The following PGPEP1L variants were observed in gnomAD, a reference collection of about 807,000 sequenced individuals.
The protein encoded by PGPEP1L is pyroglutamyl-peptidase 1-like protein.
A neutral mutation model predicts 6.0 loss-of-function variants in PGPEP1L; 7 were observed. The ratio of observed to expected loss-of-function variants is 1.17; its 90% CI spans 0.66 to 2.19. The LOEUF is 2.19. PGPEP1L is among the 30% of genes most tolerant of loss of function. The pLI, the probability that PGPEP1L is intolerant of heterozygous loss-of-function variation, is 0.00. For synonymous variants in PGPEP1L, 103 were observed against 83.9 expected, an observed-to-expected ratio of 1.23 and a Z score of -1.24; for missense variants, 209 against 192.5, an observed-to-expected ratio of 1.09 and a Z score of -0.51.
At chr15:98,977,326 T>C (rs571725045) in intron 2 of PGPEP1L, among the ~76,000 whole-genome samples, 3 of 152,390 alleles carry the variant, frequency 2.0e-5, no homozygotes, top group African/African-American at 7.2e-5. Context: ...AAGTCACTGA[T>C]TTGAGAACTT....
intron 2 of PGPEP1L, among the ~76,000 whole-genome samples, chr15:98,996,620 CGTGTAT>C (rs1306589610): frequency 1.3e-4 from 11 of 83,288 alleles, no homozygotes; most frequent in Non-Finnish European, 2.8e-4. Flanking sequence ...TATATGCCTG[CGTGTAT>C]GTGTGTTGTG....
At chr15:98,984,973 G>A (rs1217517995) in intron 2 of PGPEP1L, among the ~76,000 whole-genome samples, 6 of 149,836 alleles carry the variant, frequency 4.0e-5, no homozygotes, top group Non-Finnish European at 8.9e-5. Context: ...GCCATTCCTG[G>A]TAGTGCTCCT....
At position 98,969,614 on chromosome 15, in the gene PGPEP1L, G is replaced by A. The variant is rs938926542; in HGVS notation, c.20C>T (p.Ala7Val). Residue 7 changes from alanine to valine, a missense_variant, in exon 4 of 5, where the codon GCG (alanine) becomes GTG (valine). Coordinates refer to ENST00000535714, the MANE Select transcript of PGPEP1L (RefSeq NM_001167902.2). MDTAAK[A>V]IILEQSGKNQ... ...CTTGCCAGACTGTTCCAGAATGATC[G>A]CCTTGGCGGCGGTGTCCATGCCCAC... is the stretch of plus-strand genomic sequence containing the variant. 1.1e-5 allele frequency: 18 copies of A among 1,612,956 alleles called. No individual in the cohort carries two copies. The highest frequency in any genetic ancestry group is 8.3e-5 in the Admixed American group (5 of 60,004).
At chr15:99,006,546 T>C (rs1284533973) in intron 1 of PGPEP1L, among the ~76,000 whole-genome samples, 1 of 152,268 alleles carries the variant, frequency 6.6e-6, no homozygotes, top group African/African-American at 2.4e-5. Context: ...AACAAACTTT[T>C]GGCCAGGTGC....
intron 2 of PGPEP1L, among the ~76,000 whole-genome samples, chr15:99,004,376 T>C (rs1470004131): frequency 6.7e-6 from 1 of 150,044 alleles, no homozygotes; most frequent in Non-Finnish European, 1.5e-5. Context: ...GCCACTGCAC[T>C]CCAGTCTGGA....
chr15:98,982,700 CTTTTTTTTTTTTTTT>C (rs369749842), intron 2 of PGPEP1L, among the ~76,000 whole-genome samples: 1 of 52,458 alleles, frequency 1.9e-5, no homozygotes, highest in Non-Finnish European at 4.2e-5. Flanking sequence ...TTATCTGAGG[CTTTTTTTTTTTTTTT>C]TTTTTTTTTT....
intron 2 of PGPEP1L, among the ~76,000 whole-genome samples, chr15:98,989,460 C>T (rs1195017687): frequency 6.6e-6 from 1 of 152,094 alleles, no homozygotes; most frequent in East Asian, 1.9e-4. Context: ...AACAAAGCCT[C>T]CAAGAAATAT....
At chr15:98,977,739 G>GTGTT in intron 2 of PGPEP1L, among the ~76,000 whole-genome samples, 1 of 152,274 alleles carries the variant, frequency 6.6e-6, no homozygotes, top group Non-Finnish European at 1.5e-5. Flanking sequence ...TTTGGTCTAT[G>GTGTT]TGTTCTGTCC....
chr15:98,989,766 G>A (rs1042407211), intron 2 of PGPEP1L, among the ~76,000 whole-genome samples: 2 of 152,212 alleles, frequency 1.3e-5, no homozygotes, highest in African/African-American at 4.8e-5. Flanking sequence ...AACCCTATCA[G>A]ACTAATAGCG....
chr15:99,007,111 A>G (rs113150853), intron 1 of PGPEP1L, among the ~76,000 whole-genome samples: 15,439 of 152,188 alleles, frequency 0.1, 896 homozygotes, highest in African/African-American at 0.14. Flanking sequence ...ATTCCCTTTA[A>G]TTAGCTCCTG....
intron 2 of PGPEP1L, among the ~76,000 whole-genome samples, chr15:99,003,848 G>A (rs2018009322): frequency 6.8e-6 from 1 of 147,428 alleles, no homozygotes; most frequent in Non-Finnish European, 1.5e-5. Context: ...TTCATGACAA[G>A]CATTGCATGC....
In PGPEP1L at chr15:99,001,050, C is replaced by G. The variant is rs189377488; in HGVS notation, c.-142+4379G>C. 25 of 299,242 alleles carry G rather than the reference C, an allele frequency of 8.4e-5. No homozygotes were observed. In the East Asian group the frequency reaches 3.2e-3, roughly 39 times the overall value. 18.5% of individuals were successfully genotyped at this position (299,242 alleles called of 1,614,324 possible). On this transcript the variant is annotated intron_variant, in intron 2 of 4. Transcript: ENST00000535714. The stretch of plus-strand genomic sequence containing the variant: ...ACGCTGCCTTAAGAGCTGTAACACT[C>G]ACTCCAAAGGTCCGCAGCTTCACTC...
chr15:98,979,587 T>G (rs114292356), intron 2 of PGPEP1L, among the ~76,000 whole-genome samples: 1 of 147,750 alleles, frequency 6.8e-6, no homozygotes. Flanking sequence ...TAAAAAGAAA[T>G]GTATTAATGG....
At chr15:99,002,519 A>G (rs1472647089) in intron 2 of PGPEP1L, among the ~76,000 whole-genome samples, 1 of 152,198 alleles carries the variant, frequency 6.6e-6, no homozygotes, top group East Asian at 1.9e-4. Context: ...GCAAGCACAA[A>G]TTTTGAATTA....
intron 2 of PGPEP1L, among the ~76,000 whole-genome samples, chr15:98,975,838 G>A (rs1438236228): frequency 2.6e-5 from 4 of 152,202 alleles, no homozygotes; most frequent in South Asian, 2.1e-4. Flanking sequence ...ACAAGATCAC[G>A]CTACTGCACT....
rs763672035 is a variant in PGPEP1L, at chr15:98,968,475, CG to C, written c.*2del. 5.0e-6 allele frequency: 8 copies of C among 1,611,758 alleles called. No homozygotes were observed. The highest frequency in any genetic ancestry group is 1.3e-5 in the African/African-American group (1 of 74,912). ...AATTTTCTCTAGAGGAGCAATCCCC[CG>C]GTCAGTTCCCTTTGGCTGGAAGGAC... On this transcript the variant is annotated 3_prime_UTR_variant, in exon 5 of 5. Transcript: ENST00000535714.
chr15:98,972,181 C>T (rs2017506484), intron 2 of PGPEP1L, among the ~76,000 whole-genome samples: 1 of 151,968 alleles, frequency 6.6e-6, no homozygotes. Flanking sequence ...GGCAAAACCC[C>T]ATCTCTACTA....
chr15:98,982,716 T>C (rs1408369162), intron 2 of PGPEP1L, among the ~76,000 whole-genome samples: 2 of 132,434 alleles, frequency 1.5e-5, no homozygotes, highest in East Asian at 4.1e-4. Flanking sequence ...TTTTTTTTTT[T>C]TTTTTTTTTT....
chr15:98,981,489 CAAAAAAAAAAAAAA>C (rs769918543), intron 2 of PGPEP1L, among the ~76,000 whole-genome samples: 1 of 82,104 alleles, frequency 1.2e-5, no homozygotes, highest in Non-Finnish European at 3.0e-5. Context: ...GACTCCGTCT[CAAAAAAAAAAAAAA>C]AAACAAAAAC....
Sources: gnomAD v4.1 joint callset for allele counts (sites outside exome capture counted in the v4.1 genomes callset) on GRCh38, gnomAD v4.1.1 for gene constraint, MANE v1.5 for transcripts, NCBI Gene and HGNC (gene_info 2026-07-23, HGNC 2026-07-21) for gene names.